Variants in TTC7A observed in about 807,000 individuals in gnomAD.
TTC7A encodes tetratricopeptide repeat protein 7A.
TTC7A carries 110 observed loss-of-function variants against 103.7 expected under a neutral mutation model. The ratio of observed to expected loss-of-function variants is 1.06; its 90% CI spans 0.91 to 1.24. The LOEUF is 1.24. TTC7A is among the 50% of genes most tolerant of loss of function. TTC7A has a pLI of 0.00. For missense variants in TTC7A, 1,340 were observed against 1,116.3 expected (o/e 1.20, Z -2.86); for synonymous variants, 521 against 467.9 (o/e 1.11, Z -1.47).
At chr2:46,932,222 T>G (rs1432215161) in intron 2 of TTC7A, among the ~76,000 whole-genome samples, 1 of 151,862 alleles carries the variant, frequency 6.6e-6, no homozygotes, top group Non-Finnish European at 1.5e-5. Flanking sequence ...GGGTCTTGGC[T>G]CACTGCAACC....
At chr2:47,020,986 G>A (rs55654462) in intron 11 of TTC7A, among the ~76,000 whole-genome samples, 7,086 of 152,342 alleles carry the variant, frequency 0.047, 218 homozygotes, top group South Asian at 0.091. Context: ...CCCATGGCTT[G>A]GGGCTTTGAT....
intron 19 of TTC7A, among the ~76,000 whole-genome samples, 195 bp downstream of exon 19, chr2:47,061,166 G>A (rs1270744784): frequency 6.6e-6 from 1 of 152,176 alleles, no homozygotes; most frequent in East Asian, 1.9e-4. Context: ...GCCTTCTCTT[G>A]TAGACACAGG....
At chr2:47,011,216 C>T (rs1678005896) in intron 10 of TTC7A, 115 bp from the exon 11 acceptor site, 3 of 942,894 alleles carry the variant, frequency 3.2e-6, no homozygotes, top group African/African-American at 3.3e-5. Flanking sequence ...CTTCCTGGCT[C>T]CTGAGAGCAA....
chr2:46,994,997 C>T (rs1425914253), intron 7 of TTC7A, 139 bp from the exon 8 acceptor site: 22 of 748,944 alleles, frequency 2.9e-5, no homozygotes, highest in Non-Finnish European at 3.5e-5. Context: ...ATATGGTATC[C>T]GGTGCCCATG....
intron 18 of TTC7A, among the ~76,000 whole-genome samples, chr2:47,057,475 C>G (rs1359341315): frequency 6.6e-6 from 1 of 152,204 alleles, no homozygotes; most frequent in Non-Finnish European, 1.5e-5. Flanking sequence ...TAATTAAAAT[C>G]TGTTGATGTG....
At chr2:47,022,944 C>T (rs944967770) in intron 12 of TTC7A, among the ~76,000 whole-genome samples, 4 of 152,232 alleles carry the variant, frequency 2.6e-5, no homozygotes, top group Non-Finnish European at 5.9e-5. Flanking sequence ...GTTAAACCTT[C>T]CTGGGTAGTT....
chr2:46,924,051 A>G (rs996271962), intron 2 of TTC7A, among the ~76,000 whole-genome samples: 1 of 151,854 alleles, frequency 6.6e-6, no homozygotes, highest in South Asian at 2.1e-4. Flanking sequence ...AAAATTTTTT[A>G]AAAAATAGCC....
intron 10 of TTC7A, among the ~76,000 whole-genome samples, chr2:47,010,488 T>C (rs1361182311): frequency 1.3e-5 from 2 of 152,176 alleles, no homozygotes; most frequent in African/African-American, 4.8e-5. Context: ...TGTCTGGCTG[T>C]GGCTGCCCCG....
intron 8 of TTC7A, among the ~76,000 whole-genome samples, chr2:46,999,143 A>G (rs1572862050): frequency 6.6e-6 from 1 of 152,060 alleles, no homozygotes; most frequent in East Asian, 1.9e-4. Context: ...TTATTAATCC[A>G]TTCATCTACC....
rs750885787 is a variant in TTC7A, at chr2:46,974,960, C to A, written c.518-13C>A. The A allele has an allele frequency of 6.2e-6, 10 of 1,612,488 alleles. No individual in the cohort carries two copies. Among genetic ancestry groups the A allele is most frequent in the South Asian group, 2.2e-5 (2 of 90,994 alleles). ...GAGCAGGACAGGTCTGAGGCACCCT[C>A]TTCCTCCCGCAGGCCTCTCTCTGGA... On this transcript the variant is annotated splice_polypyrimidine_tract_variant and intron_variant, in intron 3 of 19. Coordinates refer to ENST00000319190, the MANE Select transcript of TTC7A (RefSeq NM_020458.4).
At chr2:47,068,773 C>G (rs1684396240) in intron 19 of TTC7A, among the ~76,000 whole-genome samples, 1 of 150,370 alleles carries the variant, frequency 6.7e-6, no homozygotes, top group Non-Finnish European at 1.5e-5. Context: ...AAGTCCATCA[C>G]CAACCCTGAT....
At chr2:46,940,087 C>T (rs986888187), upstream of TTC7A, among the ~76,000 whole-genome samples, 8 of 152,112 alleles carry the variant, frequency 5.3e-5, no homozygotes, top group East Asian at 1.2e-3. The surrounding 1 kb of genome is among the most constrained non-coding windows in gnomAD (Gnocchi z 4.7). Context: ...CTGTCTTCAA[C>T]TAATCACCCT....
At chr2:46,995,241 C>A in intron 8 of TTC7A, 42 bp downstream of exon 8, 1 of 1,605,784 alleles carries the variant, frequency 6.2e-7, no homozygotes. Context: ...GGCCCTCTGA[C>A]CCTGTGGGGA....
At chr2:47,067,355 GGTGGCAC>G (rs1186185017) in intron 19 of TTC7A, among the ~76,000 whole-genome samples, 3 of 152,232 alleles carry the variant, frequency 2.0e-5, no homozygotes, top group African/African-American at 7.2e-5. Flanking sequence ...TAGATGACTT[GGTGGCAC>G]GTGGCCTGAG....
upstream of TTC7A, among the ~76,000 whole-genome samples, chr2:46,939,401 A>G (rs1420666980): frequency 6.6e-6 from 1 of 152,286 alleles, no homozygotes; most frequent in East Asian, 1.9e-4. Flanking sequence ...TCCCTACTGG[A>G]AAATAGCTGT....
intron 2 of TTC7A, among the ~76,000 whole-genome samples, chr2:46,932,683 C>T (rs1669769418): frequency 6.6e-6 from 1 of 151,904 alleles, no homozygotes; most frequent in Non-Finnish European, 1.5e-5. Flanking sequence ...GGTGGATCAC[C>T]TGAGTTTAGG....
intron 5 of TTC7A, among the ~76,000 whole-genome samples, chr2:46,990,487 G>A (rs182636846): frequency 6.6e-6 from 1 of 152,334 alleles, no homozygotes; most frequent in East Asian, 1.9e-4. Flanking sequence ...AGGCACTTGT[G>A]TCCTCTCCCC....
In TTC7A at chr2:47,029,266, C is replaced by G; in HGVS notation, c.1684C>G (p.Arg562Gly). 6.2e-7 allele frequency: 1 copy of G among 1,613,992 alleles called. No individual in the cohort carries two copies. Among genetic ancestry groups the G allele is most frequent in the Middle Eastern group, 1.7e-4 (1 of 6,060 alleles). The change falls in exon 15 of 20, where the codon CGC becomes GGC. Residue 562 changes from arginine to glycine, a missense_variant. Physicochemically the swap from Arg to Gly is moderately radical, Grantham distance 125. Transcript: ENST00000319190. ...MEQLQEALKV[R>G]KDDAHALHLL... is the part of the protein sequence containing the mutation. ...GCAGCTGCAGGAGGCCCTGAAGGTA[C>G]GCAAGGATGATGCCCACGCCCTCCA...
chr2:46,935,760 G>A (rs1221991786), intron 2 of TTC7A, among the ~76,000 whole-genome samples: 1 of 152,126 alleles, frequency 6.6e-6, no homozygotes, highest in African/African-American at 2.4e-5. Context: ...AATGAGAGAT[G>A]CAAGTCTTGT....
Sources: gnomAD v4.1 joint callset for allele counts (sites outside exome capture counted in the v4.1 genomes callset) on GRCh38, gnomAD v4.1.1 for gene constraint, Gnocchi (gnomAD v3.1) non-coding constraint, MANE v1.5 for transcripts, NCBI Gene and HGNC (gene_info 2026-07-23, HGNC 2026-07-21) for gene names.